CGGBP1: variants seen among roughly 807,000 people sequenced by gnomAD.
CGGBP1 encodes the protein CGG triplet repeat binding protein 1, also known as CGG triplet repeat-binding protein 1.
A neutral mutation model predicts 11.4 loss-of-function variants in CGGBP1; 4 were observed. The ratio of observed to expected loss-of-function variants is 0.35; its 90% CI spans 0.17 to 0.80. The LOEUF (loss-of-function observed/expected upper bound fraction) is 0.80. Among genes scored for constraint, CGGBP1 ranks in the 30% least tolerant of loss-of-function variants. The probability of loss-of-function intolerance (pLI) is 0.52; values close to 1 mark genes in which losing one functional copy is unlikely to be tolerated. For missense variants in CGGBP1, 135 were observed against 202.1 expected (o/e 0.67, Z 2.01); for synonymous variants, 76 against 74.1 (o/e 1.03, Z -0.13).
chr3:88,095,546 A>G (rs1704009548), intron 2 of CGGBP1: 1 of 510,656 alleles, frequency 2.0e-6, no homozygotes, highest in Non-Finnish European at 3.9e-6. Context: ...GGTCTGCTTC[A>G]TCTGTCTTTC....
chr3:88,146,296 A>G (rs1707311212), intron 1 of CGGBP1, among the ~76,000 whole-genome samples: 1 of 152,256 alleles, frequency 6.6e-6, no homozygotes, highest in Non-Finnish European at 1.5e-5. Flanking sequence ...GAAGATAAAC[A>G]GTTCCCCCTT....
intron 2 of CGGBP1, among the ~76,000 whole-genome samples, chr3:88,076,515 C>T (rs1276601862): frequency 6.6e-6 from 1 of 151,882 alleles, no homozygotes; most frequent in Non-Finnish European, 1.5e-5. Context: ...AATCAGTATG[C>T]CCTCCTTTTA....
chr3:88,091,237 C>T (rs1162912761), intron 2 of CGGBP1, among the ~76,000 whole-genome samples: 7 of 152,148 alleles, frequency 4.6e-5, no homozygotes, highest in African/African-American at 1.7e-4. Context: ...CCATCAGAAC[C>T]ACAGAAGTGT....
chr3:88,110,740 C>T (rs1472146372), intron 2 of CGGBP1, among the ~76,000 whole-genome samples: 1 of 152,064 alleles, frequency 6.6e-6, no homozygotes, highest in Admixed American at 6.6e-5. Flanking sequence ...TTTATACAGT[C>T]AATAGGAAAT....
At chr3:88,090,578 TTATAAGTGCGG>T in intron 2 of CGGBP1, among the ~76,000 whole-genome samples, 1 of 152,216 alleles carries the variant, frequency 6.6e-6, no homozygotes, top group East Asian at 1.9e-4. Context: ...AAAAAAATTT[TTATAAGTGCGG>T]TATAGCCTAC....
rs928684575 is a variant in CGGBP1, at chr3:88,053,566, C to T, written c.*1907G>A. 3.9e-5 allele frequency: 6 copies of T among 152,364 alleles called. No homozygotes were observed. The highest frequency in any genetic ancestry group is 1.4e-4 in the African/African-American group (6 of 41,458). The allele number at this position is 152,364 out of a possible 1,614,324, so 9.4% of individuals were successfully genotyped here. A position where few individuals can be genotyped will look rare whatever the true frequency, so the allele number is the denominator to read the frequency against. ...CACTCTCAAAGCTGATCTGCCATTA[C>T]ATTTTGCTATTAGTGCAAATTAATA... On this transcript the variant is annotated 3_prime_UTR_variant, in exon 4 of 4. Coordinates refer to ENST00000482016, the MANE Select transcript of CGGBP1 (RefSeq NM_001008390.2).
At chr3:88,132,959 G>A (rs1008565004) in intron 2 of CGGBP1, among the ~76,000 whole-genome samples, 1 of 152,160 alleles carries the variant, frequency 6.6e-6, no homozygotes, top group African/African-American at 2.4e-5. Flanking sequence ...AAGGCCACAG[G>A]TAGTTCTCAA....
At chr3:88,109,803 T>C (rs1704980347) in intron 2 of CGGBP1, among the ~76,000 whole-genome samples, 2 of 152,108 alleles carry the variant, frequency 1.3e-5, no homozygotes, top group Non-Finnish European at 2.9e-5. Context: ...ATATTAAACA[T>C]GGTAAAAAAT....
At chr3:88,103,757 ATTAACTTTT>A (rs1405826009) in intron 2 of CGGBP1, among the ~76,000 whole-genome samples, 7 of 137,562 alleles carry the variant, frequency 5.1e-5, no homozygotes, top group African/African-American at 1.3e-4. Flanking sequence ...AAAGAGATGT[ATTAACTTTT>A]TTTTTTTTTT....
chr3:88,053,592 C>A lies in CGGBP1; in HGVS notation c.*1881G>T, dbSNP rs1462251173. ...ATTTTGCTATTAGTGCAAATTAATA[C>A]CCAAATAATAGGGAGCAGTTTGAAT... On this transcript the variant is annotated 3_prime_UTR_variant, in exon 4 of 4. Coordinates refer to ENST00000482016, the MANE Select transcript of CGGBP1 (RefSeq NM_001008390.2). The A allele has an allele frequency of 6.6e-6, 1 of 152,386 alleles. No homozygotes were observed. The highest frequency in any genetic ancestry group is 1.5e-5 in the Non-Finnish European group (1 of 67,968). The allele number at this position is 152,386 out of a possible 1,614,324, so 9.4% of individuals were successfully genotyped here.
chr3:88,057,993 A>G (rs866093012), intron 2 of CGGBP1, 26 bp downstream of exon 2: 5 of 152,260 alleles, frequency 3.3e-5, no homozygotes, highest in East Asian at 1.9e-4. Flanking sequence ...AAAACTCATC[A>G]TAAGTTTTCA....
chr3:88,059,331 A>G, upstream of CGGBP1: 3 of 1,534,092 alleles, frequency 2.0e-6, no homozygotes, highest in Non-Finnish European at 2.6e-6. Context: ...TGGCGGAGGA[A>G]GAGAGCGACC....
At chr3:88,136,298 T>C (rs752851261) in intron 2 of CGGBP1, among the ~76,000 whole-genome samples, 2 of 152,150 alleles carry the variant, frequency 1.3e-5, no homozygotes, top group Non-Finnish European at 2.9e-5. Context: ...GCTTTCTTAT[T>C]TTCATATGTG....
intron 2 of CGGBP1, among the ~76,000 whole-genome samples, chr3:88,079,472 A>G (rs1707973536): frequency 6.6e-6 from 1 of 152,122 alleles, no homozygotes; most frequent in South Asian, 2.1e-4. Context: ...TCAAACTGGA[A>G]CTGATAGATG....
intron 2 of CGGBP1, among the ~76,000 whole-genome samples, chr3:88,127,655 G>C (rs1043093119): frequency 6.6e-6 from 1 of 152,134 alleles, no homozygotes; most frequent in African/African-American, 2.4e-5. Flanking sequence ...GAGCTTTTAA[G>C]GGATAGATTT....
chr3:88,147,119 T>C (rs577016769), intron 1 of CGGBP1, among the ~76,000 whole-genome samples: 2 of 152,288 alleles, frequency 1.3e-5, no homozygotes, highest in South Asian at 2.1e-4. Context: ...ATACCTACCA[T>C]GTGCGGGCCT....
intron 2 of CGGBP1, among the ~76,000 whole-genome samples, chr3:88,085,931 G>T (rs1708315582): frequency 6.6e-6 from 1 of 151,964 alleles, no homozygotes; most frequent in South Asian, 2.1e-4. Context: ...CTACTCTCCA[G>T]CTATTTTAAT....
intron 2 of CGGBP1, among the ~76,000 whole-genome samples, chr3:88,103,070 ATG>A (rs941244915): frequency 7.2e-5 from 11 of 152,150 alleles, no homozygotes; most frequent in African/African-American, 2.7e-4. Context: ...AAGTGAGCAC[ATG>A]TGTTATTTGG....
Position 88,052,961 on chromosome 3 carries a change from TTAAC to T in CGGBP1, c.*2508_*2511del, listed in dbSNP as rs1706460698. On this transcript the variant is annotated 3_prime_UTR_variant, in exon 4 of 4. Transcript: ENST00000482016. ...CTATCAATACTTTGAGAAAACACTATTAACATGTGTTGAAGAAGGCAGTTTATAA... is the reference window on the plus strand; with the variant it reads ...CTATCAATACTTTGAGAAAACACTATATGTGTTGAAGAAGGCAGTTTATAA... 6.6e-6 allele frequency: 1 copy of T among 152,622 alleles called. No homozygotes were observed. The highest frequency in any genetic ancestry group is 2.4e-5 in the African/African-American group (1 of 41,460). 9.5% of individuals were successfully genotyped at this position (152,622 alleles called of 1,614,324 possible). A position where few individuals can be genotyped will look rare whatever the true frequency, so the allele number is the denominator to read the frequency against.
Sources: gnomAD v4.1 joint callset for allele counts (sites outside exome capture counted in the v4.1 genomes callset) on GRCh38, gnomAD v4.1.1 for gene constraint, MANE v1.5 for transcripts, NCBI Gene and HGNC (gene_info 2026-07-23, HGNC 2026-07-21) for gene names.